The following PDE6A variants were observed in gnomAD, a reference collection of about 807,000 sequenced individuals.
PDE6A encodes phosphodiesterase 6A.
In PDE6A, 84 loss-of-function variants were observed where a neutral mutation model predicts 106.3. The ratio of observed to expected loss-of-function variants is 0.79; its 90% CI spans 0.66 to 0.95. PDE6A has a LOEUF of 0.95. PDE6A is among the 40% of genes least tolerant of loss of function. PDE6A has a pLI of 0.00. For synonymous variants in PDE6A, 394 were observed against 386.6 expected (o/e 1.02, Z -0.23); for missense variants, 1,052 against 1,084.9 (o/e 0.97, Z 0.43).
In PDE6A at chr5:149,868,115, G is replaced by A. The variant is rs1485750096; in HGVS notation, c.2179C>T (p.Pro727Ser). 6.2e-7 allele frequency: 1 copy of A among 1,614,190 alleles called. No individual in the cohort carries two copies. Among genetic ancestry groups the A allele is most frequent in the Non-Finnish European group, 8.5e-7 (1 of 1,180,026 alleles). ...CATACCTGGCTCTGCACCTCCCAGG[G>A]TTTGGTGATGGCTGAGAGATCACAG... ...TACDLSAITK[P>S]WEVQSQVALL... The change falls in exon 18 of 22, where the codon CCC (proline) becomes TCC (serine). Residue 727 changes from proline (P) to serine (S), a missense_variant. By Grantham distance (74) the Pro-to-Ser change is moderately conservative (BLOSUM62 -1). This residue lies in a region of PDE6A where 913 missense variants were observed against 915.2 expected (regional missense o/e 1.00). Coordinates refer to ENST00000255266, the MANE Select transcript of PDE6A (RefSeq NM_000440.3).
At chr5:149,940,678 A>C (rs1211791890) in intron 1 of PDE6A, among the ~76,000 whole-genome samples, 2 of 151,880 alleles carry the variant, frequency 1.3e-5, no homozygotes, top group Non-Finnish European at 2.9e-5. Flanking sequence ...TTGGATTTTT[A>C]GTAGAGATGG....
At chr5:149,926,101 G>A (rs1385077189) in intron 4 of PDE6A, among the ~76,000 whole-genome samples, 1 of 152,090 alleles carries the variant, frequency 6.6e-6, no homozygotes, top group Non-Finnish European at 1.5e-5. Context: ...AATTAGCTGG[G>A]CATGGTGGCA....
Position 149,861,384 on chromosome 5 carries a change from C to T in PDE6A, c.2507-413G>A, listed in dbSNP as rs542445274. 3.9e-5 allele frequency among the ~76,000 whole-genome samples: 6 copies of T among 152,362 alleles called. No individual in the cohort carries two copies. In the South Asian group the frequency reaches 1.0e-3, roughly 26 times the overall value. On this transcript the variant is annotated intron_variant, in intron 21 of 21. Transcript: ENST00000255266. ...GAAAAGCTGGGCCAGGCACAGGGCT[C>T]ACGCCTGTAATCCCAACACTTCAGG...
Position 149,921,625 on chromosome 5 carries a change from G to A in PDE6A, c.933+10C>T, listed in dbSNP as rs756070789. On this transcript the variant is annotated intron_variant, in intron 5 of 21. Transcript: ENST00000255266. ...ATTAAATCATACTGAAAAGGTCAGA[G>A]AGAACGTACTCTTCCATCCGGAGTC... 3.5e-5 allele frequency: 57 copies of A among 1,606,278 alleles called. No individual in the cohort carries two copies. The highest frequency in any genetic ancestry group is 4.6e-5 in the Non-Finnish European group (54 of 1,173,098).
At chr5:149,915,651 G>A (rs563869359) in intron 5 of PDE6A, among the ~76,000 whole-genome samples, 1 of 152,274 alleles carries the variant, frequency 6.6e-6, no homozygotes, top group South Asian at 2.1e-4. Flanking sequence ...TCCTCTAAGA[G>A]GATCTGGAGG....
In PDE6A at chr5:149,866,098, T is replaced by C. The variant is rs11948480; in HGVS notation, c.2358+72A>G. The C allele has an allele frequency of 1.7e-5, 18 of 1,080,480 alleles. No individual in the cohort carries two copies. In the East Asian group the frequency reaches 3.1e-4, roughly 18 times the overall value. 66.9% of individuals were successfully genotyped at this position (1,080,480 alleles called of 1,614,324 possible). On this transcript the variant is annotated intron_variant, in intron 20 of 21. Transcript: ENST00000255266. Reference sequence around the variant, plus strand: ...ACTGGTCACCTGCTAGGGTTTATTATTCCTGCTGTTGTCTGGAAATCCCAG... The same window carrying C: ...ACTGGTCACCTGCTAGGGTTTATTACTCCTGCTGTTGTCTGGAAATCCCAG...
At chr5:149,871,270 C>A (rs141414768) in intron 17 of PDE6A, among the ~76,000 whole-genome samples, 15 of 152,298 alleles carry the variant, frequency 9.8e-5, no homozygotes, top group South Asian at 4.1e-4. Context: ...AGAGGCTGGG[C>A]TCACATGGTC....
intron 6 of PDE6A, among the ~76,000 whole-genome samples, chr5:149,909,139 G>T (rs974864748): frequency 6.6e-6 from 1 of 152,000 alleles, no homozygotes; most frequent in Non-Finnish European, 1.5e-5. Context: ...AGGATTATAG[G>T]CATGTGCCAC....
intron 5 of PDE6A, 87 bp from the exon 6 acceptor site, chr5:149,915,094 G>T (rs1196373250): frequency 2.9e-5 from 23 of 792,694 alleles, no homozygotes; most frequent in Non-Finnish European, 4.3e-5. Context: ...GAGTGCAATG[G>T]CTTGATCTCA....
chr5:149,927,622 A>G (rs1753899775), intron 4 of PDE6A, among the ~76,000 whole-genome samples: 1 of 151,710 alleles, frequency 6.6e-6, no homozygotes, highest in African/African-American at 2.4e-5. Context: ...TCTTTATAAA[A>G]TTTTTTATTT....
At position 149,903,649 on chromosome 5, in the gene PDE6A, T is replaced by C. The variant is rs1753070496; in HGVS notation, c.1112A>G (p.Gln371Arg). The change falls in exon 8 of 22, where the codon CAG (glutamine) becomes CGG (arginine). Residue 371 changes from glutamine to arginine, a missense_variant and splice_region_variant. Around this residue, in one of 3 missense-constraint regions of PDE6A, gnomAD observed 913 missense variants for 915.2 expected, o/e 1.00. Transcript: ENST00000255266. ...NAPAEDFFAF[Q>R]KEPLDESGWM... ...GACTGCAAATAAAAAATGACTTACC[T>C]GAAATGCAAAAAAGTCCTCCGCAGG... The C allele has an allele frequency of 6.2e-7, 1 of 1,612,510 alleles. No homozygotes were observed. Among genetic ancestry groups the C allele is most frequent in the Non-Finnish European group, 8.5e-7 (1 of 1,178,672 alleles).
At chr5:149,883,190 T>A (rs910242718) in intron 17 of PDE6A, among the ~76,000 whole-genome samples, 1 of 151,862 alleles carries the variant, frequency 6.6e-6, no homozygotes, top group African/African-American at 2.4e-5. Flanking sequence ...AAATAACATA[T>A]TTTTTTATTC....
intron 4 of PDE6A, among the ~76,000 whole-genome samples, chr5:149,923,934 T>C (rs1033640728): frequency 3.9e-5 from 6 of 152,190 alleles, no homozygotes; most frequent in African/African-American, 1.4e-4. Context: ...TATTCTAATA[T>C]CATCCAGAGA....
Position 149,863,106 on chromosome 5 carries a change from C to T in PDE6A, c.2506+13G>A. ...TGGGGTGGTGGGAGTCCCTGCTTCC[C>T]CCTTCCACAAACCTGACTTGGCCGA... On this transcript the variant is annotated intron_variant, in intron 21 of 21. Transcript: ENST00000255266. The surrounding 1 kb of genome is among the most constrained non-coding windows in gnomAD (Gnocchi z 4.7). 6.2e-7 allele frequency: 1 copy of T among 1,614,162 alleles called. No homozygotes were observed. Among genetic ancestry groups the T allele is most frequent in the Non-Finnish European group, 8.5e-7 (1 of 1,180,026 alleles).
chr5:149,897,201 C>G (rs1752787541), intron 10 of PDE6A, among the ~76,000 whole-genome samples: 1 of 152,240 alleles, frequency 6.6e-6, no homozygotes, highest in Non-Finnish European at 1.5e-5. Context: ...GTTACTATTA[C>G]TGACTGGGAG....
In PDE6A at chr5:149,935,137, G is replaced by A. The variant is rs115930318; in HGVS notation, c.475-419C>T. 7.3e-3 allele frequency among the ~76,000 whole-genome samples: 1,117 copies of A among 152,262 alleles called. 14 individuals are homozygous for A. Among genetic ancestry groups the A allele is most frequent in the African/African-American group, 0.025 (1,021 of 41,532 alleles). ...GCAGCGTGCATGGCATTTTACCTGCGTTATCTTACTTTTATCTTCGCAATA... is the reference window on the plus strand; with the variant it reads ...GCAGCGTGCATGGCATTTTACCTGCATTATCTTACTTTTATCTTCGCAATA... On this transcript the variant is annotated intron_variant, in intron 1 of 21. Coordinates refer to ENST00000255266, the MANE Select transcript of PDE6A (RefSeq NM_000440.3).
chr5:149,934,171 G>T (rs2113660757), intron 2 of PDE6A, 152 bp from the exon 3 acceptor site: 1 of 678,740 alleles, frequency 1.5e-6, no homozygotes. Flanking sequence ...ATAAGATGTT[G>T]CATGAGCATA....
At chr5:149,928,231 ATTTTTTT>A (rs1165259453) in intron 4 of PDE6A, among the ~76,000 whole-genome samples, 1 of 19,754 alleles carries the variant, frequency 5.1e-5, no homozygotes, top group Non-Finnish European at 8.3e-5. Context: ...ATATATATAT[ATTTTTTT>A]TTTTTTTTTT....
intron 5 of PDE6A, among the ~76,000 whole-genome samples, chr5:149,919,484 G>A (rs566113479): frequency 6.6e-6 from 1 of 152,256 alleles, no homozygotes; most frequent in East Asian, 1.9e-4. Context: ...CTCCAGCCTG[G>A]GCAACAGAGT....
Sources: allele counts gnomAD v4.1 joint callset (sites outside exome capture counted in the v4.1 genomes callset), GRCh38; gene constraint gnomAD v4.1.1; regional missense constraint gnomAD v4.1.1; non-coding constraint Gnocchi (gnomAD v3.1); transcripts MANE v1.5; gene names NCBI Gene and HGNC (gene_info 2026-07-23, HGNC 2026-07-21).